The following RPS6KC1 variants were observed in gnomAD, a reference collection of about 807,000 sequenced individuals.
RPS6KC1 encodes inactive ribosomal protein S6 kinase delta-1.
RPS6KC1 carries 54 observed loss-of-function variants against 103.8 expected under a neutral mutation model. The observed-to-expected ratio is 0.52, with a 90% CI of 0.42 to 0.65. The LOEUF (loss-of-function observed/expected upper bound fraction) is 0.65. Among genes scored for constraint, RPS6KC1 ranks in the 30% least tolerant of loss-of-function variants. The pLI is 0.00. For missense variants in RPS6KC1, 1,151 were observed against 1,253.8 expected, an observed-to-expected ratio of 0.92 and a Z score of 1.24; for synonymous variants, 439 against 438.7, an observed-to-expected ratio of 1.00 and a Z score of -0.01.
the RPS6KC1 span, among the ~76,000 whole-genome samples, chr1:213,507,903 T>C: frequency 1.3e-5 from 2 of 152,228 alleles, 1 homozygote; most frequent in South Asian, 4.1e-4. Flanking sequence ...ATGTTTCAAT[T>C]ATCCTTCTAT....
the RPS6KC1 span, among the ~76,000 whole-genome samples, chr1:213,373,161 G>T: frequency 1.3e-5 from 2 of 152,210 alleles, no homozygotes; most frequent in Non-Finnish European, 1.5e-5. Flanking sequence ...AGGTCAAAAA[G>T]GAGGGGTAGC....
chr1:213,559,646 C>G, the RPS6KC1 span, among the ~76,000 whole-genome samples: 1 of 152,160 alleles, frequency 6.6e-6, no homozygotes, highest in Non-Finnish European at 1.5e-5. Context: ...AGCTTTTGTG[C>G]TGCAACCTTT....
chr1:213,096,243 T>C (rs2081440134), intron 3 of RPS6KC1, among the ~76,000 whole-genome samples: 2 of 152,236 alleles, frequency 1.3e-5, no homozygotes, highest in Non-Finnish European at 1.5e-5. Context: ...ATTTAACTTT[T>C]ATCATGAGAT....
intron 8 of RPS6KC1, among the ~76,000 whole-genome samples, chr1:213,178,391 A>G (rs2148326959): frequency 6.6e-6 from 1 of 151,864 alleles, no homozygotes; most frequent in African/African-American, 2.4e-5. Context: ...AATACAAAAA[A>G]TTACCTGGGC....
chr1:213,200,683 C>G (rs2093129318), intron 8 of RPS6KC1, among the ~76,000 whole-genome samples: 1 of 152,018 alleles, frequency 6.6e-6, no homozygotes, highest in Non-Finnish European at 1.5e-5. Context: ...GCAAAAGAAA[C>G]TATCAACAAA....
chr1:213,742,466 G>T, the RPS6KC1 span, among the ~76,000 whole-genome samples: 1 of 152,250 alleles, frequency 6.6e-6, no homozygotes, highest in Non-Finnish European at 1.5e-5. Context: ...CTTTCTTGGA[G>T]AGGAGGACGG....
At chr1:213,174,670 CAAAA>C (rs370278907) in intron 7 of RPS6KC1, among the ~76,000 whole-genome samples, 13 of 43,386 alleles carry the variant, frequency 3.0e-4, no homozygotes, top group Non-Finnish European at 5.9e-4. Flanking sequence ...AACTCCATCT[CAAAA>C]AAAAAAAAAA....
At chr1:213,302,253 A>G in the RPS6KC1 span, among the ~76,000 whole-genome samples, 1 of 152,154 alleles carries the variant, frequency 6.6e-6, no homozygotes, top group Non-Finnish European at 1.5e-5. Flanking sequence ...CTGCCTGTCT[A>G]TGCTTTTGAA....
chr1:213,061,031 A>T (rs1254931804), intron 1 of RPS6KC1, among the ~76,000 whole-genome samples: 1 of 152,170 alleles, frequency 6.6e-6, no homozygotes, highest in Non-Finnish European at 1.5e-5. Context: ...TGATTTGCAT[A>T]CAGCTGCCTT....
the RPS6KC1 span, among the ~76,000 whole-genome samples, chr1:213,829,602 A>G: frequency 1.3e-5 from 2 of 152,184 alleles, no homozygotes; most frequent in Non-Finnish European, 2.9e-5. Context: ...TTGACGAGGC[A>G]GGTTGGGGAA....
the RPS6KC1 span, among the ~76,000 whole-genome samples, chr1:213,500,609 T>C: frequency 6.6e-6 from 1 of 152,206 alleles, no homozygotes; most frequent in Admixed American, 6.5e-5. Flanking sequence ...TTTACACTGT[T>C]ATCACCACAA....
At chr1:213,375,150 C>G in the RPS6KC1 span, among the ~76,000 whole-genome samples, 1 of 151,380 alleles carries the variant, frequency 6.6e-6, no homozygotes, top group Non-Finnish European at 1.5e-5. Flanking sequence ...CACATATACA[C>G]ATATATACAC....
At chr1:213,727,423 T>C in the RPS6KC1 span, among the ~76,000 whole-genome samples, 1 of 152,178 alleles carries the variant, frequency 6.6e-6, no homozygotes, top group Non-Finnish European at 1.5e-5. Flanking sequence ...GCTTAGACTA[T>C]GTGGATTTCC....
At chr1:213,416,908 C>A in the RPS6KC1 span, among the ~76,000 whole-genome samples, 1 of 152,206 alleles carries the variant, frequency 6.6e-6, no homozygotes, top group East Asian at 1.9e-4. Flanking sequence ...GGCTTATGTT[C>A]TGAAAGGGTG....
the RPS6KC1 span, among the ~76,000 whole-genome samples, chr1:213,716,214 GC>G: frequency 2.7e-4 from 41 of 152,248 alleles, 1 homozygote; most frequent in South Asian, 8.1e-3. Flanking sequence ...GGTGGGAGGT[GC>G]CCACAGGGAA....
chr1:213,060,044 C>G (rs866840826), intron 1 of RPS6KC1, among the ~76,000 whole-genome samples: 13 of 152,268 alleles, frequency 8.5e-5, no homozygotes, highest in African/African-American at 2.6e-4. Context: ...TCTCTAACTC[C>G]TGGCCTCAGG....
intron 8 of RPS6KC1, among the ~76,000 whole-genome samples, chr1:213,218,435 G>T (rs1271608444): frequency 1.3e-5 from 2 of 152,050 alleles, no homozygotes; most frequent in African/African-American, 4.8e-5. Flanking sequence ...TGTGAAAATG[G>T]CCATACTGCC....
the RPS6KC1 span, among the ~76,000 whole-genome samples, chr1:213,363,798 CTTTCTTTCTTTCT>C: frequency 4.5e-3 from 376 of 83,610 alleles, 64 homozygotes; most frequent in African/African-American, 0.021. Context: ...TTCTTTCTTT[CTTTCTTTCTTTCT>C]TTCTTCTCTC....
At chr1:213,446,897 G>A in the RPS6KC1 span, among the ~76,000 whole-genome samples, 1 of 152,186 alleles carries the variant, frequency 6.6e-6, no homozygotes, top group Non-Finnish European at 1.5e-5. Flanking sequence ...TGCTATGAAA[G>A]CAGAATTTAA....
Sources: gnomAD v4.1 joint callset for allele counts (sites outside exome capture counted in the v4.1 genomes callset) on GRCh38, gnomAD v4.1.1 for gene constraint, MANE v1.5 for transcripts, NCBI Gene and HGNC (gene_info 2026-07-23, HGNC 2026-07-21) for gene names.